Variants in EPHB3 observed in about 807,000 individuals in gnomAD.
EPHB3 encodes EPH receptor B3.
A neutral mutation model predicts 100.2 loss-of-function variants in EPHB3; 33 were observed. The ratio of observed to expected loss-of-function variants is 0.33; its 90% CI spans 0.25 to 0.44. The LOEUF (loss-of-function observed/expected upper bound fraction) is 0.44, where lower values mean the gene tolerates loss of function less well. EPHB3 is among the 20% of genes least tolerant of loss of function. The pLI, the probability that EPHB3 is intolerant of heterozygous loss-of-function variation, is 1.00. For synonymous variants in EPHB3, 526 were observed against 554.7 expected (o/e 0.95, Z 0.73); for missense variants, 1,045 against 1,378.3 (o/e 0.76, Z 3.83).
At position 184,581,308 on chromosome 3, in the gene EPHB3, G is replaced by A. The variant is rs1295829988; in HGVS notation, c.2788G>A (p.Val930Ile). ...TVPDYTTFTT[V>I]GDWLDAIKMG... ...CCCAGATTACACAACCTTCACGACA[G>A]TTGGTGATTGGCTGGATGCCATCAA... is the stretch of plus-strand genomic sequence containing the variant. Residue 930 changes from valine to isoleucine, a missense_variant, in exon 15 of 16, where the codon GTT becomes ATT. Val to Ile is a conservative substitution (Grantham distance 29, BLOSUM62 3). This residue lies in a region of EPHB3 where 985 missense variants were observed against 1,331.1 expected (regional missense o/e 0.74). Coordinates refer to ENST00000330394, the MANE Select transcript of EPHB3 (RefSeq NM_004443.4). 2.5e-6 allele frequency: 4 copies of A among 1,609,290 alleles called. No homozygotes were observed. In the African/African-American group the frequency reaches 5.3e-5, roughly 21 times the overall value.
Position 184,581,418 on chromosome 3 carries a change from C to T in EPHB3, c.2888+10C>T. The T allele has an allele frequency of 1.3e-6, 2 of 1,582,816 alleles. No homozygotes were observed. The highest frequency in any genetic ancestry group is 2.2e-5 in the East Asian group (1 of 44,608). Reference sequence around the variant, plus strand: ...CCCAGATGACGGCAGAGTAAGTGTGCCTCAGATTTGGAGGAGCAGGGCAGG... The same window carrying T: ...CCCAGATGACGGCAGAGTAAGTGTGTCTCAGATTTGGAGGAGCAGGGCAGG... On this transcript the variant is annotated intron_variant, in intron 15 of 15. Coordinates refer to ENST00000330394, the MANE Select transcript of EPHB3 (RefSeq NM_004443.4).
chr3:184,570,562 G>A (rs772117122), intron 1 of EPHB3, among the ~76,000 whole-genome samples: 87 of 152,252 alleles, frequency 5.7e-4, no homozygotes, highest in Non-Finnish European at 1.0e-3. Flanking sequence ...TGTAGGTGCT[G>A]CGTGGGAGCT....
Position 184,581,777 on chromosome 3 carries a change from G to A in EPHB3, c.*155G>A, listed in dbSNP as rs1714830162. The A allele has an allele frequency of 2.8e-6, 2 of 718,592 alleles. No homozygotes were observed. Among genetic ancestry groups the A allele is most frequent in the Non-Finnish European group, 4.5e-6 (2 of 448,296 alleles). 44.5% of individuals were successfully genotyped at this position (718,592 alleles called of 1,614,324 possible). A position where few individuals can be genotyped will look rare whatever the true frequency, so the allele number is the denominator to read the frequency against. On this transcript the variant is annotated 3_prime_UTR_variant, in exon 16 of 16. Coordinates refer to ENST00000330394, the MANE Select transcript of EPHB3 (RefSeq NM_004443.4). Reference sequence around the variant, plus strand: ...CAAGCTGGGACTTCTCCAGGCCTGTGTTCCCTCCCCAGGAAGTGCGCCCCA... The same window carrying A: ...CAAGCTGGGACTTCTCCAGGCCTGTATTCCCTCCCCAGGAAGTGCGCCCCA...
In EPHB3 at chr3:184,575,945, C is replaced by T; in HGVS notation, c.972C>T (p.Phe324=). ...AASICTCHNN[F]YRADSDSADS... ...GCATCTGCACCTGCCACAATAACTT[C>T]TACCGTGCAGACTCGGACTCTGCGG... The change falls in exon 4 of 16, where the codon TTC becomes TTT. Residue 324 remains phenylalanine (F), a synonymous_variant. Transcript: ENST00000330394. 6.2e-7 allele frequency: 1 copy of T among 1,613,934 alleles called. No individual in the cohort carries two copies. Among genetic ancestry groups the T allele is most frequent in the Non-Finnish European group, 8.5e-7 (1 of 1,179,898 alleles).
In EPHB3 at chr3:184,576,560, G is replaced by A. The variant is rs560735975; in HGVS notation, c.1013-282G>A. 3.3e-5 allele frequency among the ~76,000 whole-genome samples: 5 copies of A among 152,346 alleles called. No individual in the cohort carries two copies. In the East Asian group the frequency reaches 9.6e-4, roughly 29 times the overall value. ...ACAGATAATGACCGTAATGTACTAA[G>A]AGCTGGGCTAGAAGGCTGTCTAGGA... On this transcript the variant is annotated intron_variant, in intron 4 of 15. Coordinates refer to ENST00000330394, the MANE Select transcript of EPHB3 (RefSeq NM_004443.4).
At position 184,578,417 on chromosome 3, in the gene EPHB3, G is replaced by A; in HGVS notation, c.1752G>A (p.Lys584=). The change falls in exon 9 of 16, where the codon AAG becomes AAA. Residue 584 remains lysine, a synonymous_variant. Transcript: ENST00000330394. This position sits in a 1 kb window ranked among gnomAD's most constrained non-coding sequence, Gnocchi z 4.7. ...CCTCCACCCTGCCACCCTACAGGAA[G>A]CAGCGACACGGCTCTGATTCGGAGT... The part of the protein sequence containing the change: ...VVVIAIVCLR[K]QRHGSDSEYT... 6.2e-7 allele frequency: 1 copy of A among 1,613,848 alleles called. No individual in the cohort carries two copies. Among genetic ancestry groups the A allele is most frequent in the South Asian group, 1.1e-5 (1 of 91,082 alleles).
chr3:184,564,175 T>C (rs1714325403), intron 1 of EPHB3, among the ~76,000 whole-genome samples: 1 of 152,182 alleles, frequency 6.6e-6, no homozygotes, highest in Admixed American at 6.5e-5. Context: ...GCAGGACCTT[T>C]CGTTCCCCAT....
chr3:184,579,957 T>G lies in EPHB3; in HGVS notation c.2172+23T>G. 1 of 1,604,856 alleles carries G rather than the reference T, an allele frequency of 6.2e-7. No homozygotes were observed. Among genetic ancestry groups the G allele is most frequent in the African/African-American group, 1.3e-5 (1 of 74,800 alleles). ...CGGGTAAGAGCCAGCCCCCAGGCCCTCTCCCTCCCCCAGAGAGTTGGATTG... is the reference window on the plus strand; with the variant it reads ...CGGGTAAGAGCCAGCCCCCAGGCCCGCTCCCTCCCCCAGAGAGTTGGATTG... On this transcript the variant is annotated intron_variant, in intron 11 of 15. Transcript: ENST00000330394. This position sits in a 1 kb window ranked among gnomAD's most constrained non-coding sequence, Gnocchi z 5.2.
Position 184,562,266 on chromosome 3 carries a change from TCGC to T in EPHB3, c.40_42del (p.Pro14del), listed in dbSNP as rs995925709. The T allele has an allele frequency of 9.5e-6, 11 of 1,160,084 alleles. 2 individuals carry two copies. The highest frequency in any genetic ancestry group is 6.5e-5 in the African/African-American group (4 of 61,268). The allele number at this position is 1,160,084 out of a possible 1,614,324, so 71.9% of individuals were successfully genotyped here. A position where few individuals can be genotyped will look rare whatever the true frequency, so the allele number is the denominator to read the frequency against. ...CAGAGCCCGCCCGCCGCCGCCGCCG[TCGC>T]CGCCGCCGGGGCTTCTGCCGCTGCT... is the stretch of plus-strand genomic sequence containing the variant. On this transcript the variant is annotated inframe_deletion, in exon 1 of 16. Transcript: ENST00000330394. This position sits in a 1 kb window ranked among gnomAD's most constrained non-coding sequence, Gnocchi z 4.8.
intron 3 of EPHB3, 25 bp from the exon 4 acceptor site, chr3:184,575,805 C>T (rs1209915083): frequency 1.3e-6 from 2 of 1,568,260 alleles, no homozygotes; most frequent in Admixed American, 1.8e-5. Flanking sequence ...GAGGTGAGCC[C>T]CATTCATCCT....
At position 184,577,361 on chromosome 3, in the gene EPHB3, C is replaced by T. The variant is rs1714702397; in HGVS notation, c.1373C>T (p.Thr458Ile). The part of the protein sequence containing the change: ...TNQAAPSEVP[T>I]LRLHSSSGSS... ...TTCCCAGCCCCGTCTGAAGTGCCCACACTACGCCTGCACAGCAGCTCAGGC... is the reference window on the plus strand; with the variant it reads ...TTCCCAGCCCCGTCTGAAGTGCCCATACTACGCCTGCACAGCAGCTCAGGC... The change falls in exon 6 of 16, where the codon ACA (threonine) becomes ATA (isoleucine). Residue 458 changes from threonine (T) to isoleucine (I), a missense_variant. This residue lies in a region of EPHB3 where 985 missense variants were observed against 1,331.1 expected (regional missense o/e 0.74). Coordinates refer to ENST00000330394, the MANE Select transcript of EPHB3 (RefSeq NM_004443.4). The surrounding 1 kb of genome is among the most constrained non-coding windows in gnomAD (Gnocchi z 4.9). The T allele has an allele frequency of 6.2e-7, 1 of 1,613,618 alleles. No homozygotes were observed. The highest frequency in any genetic ancestry group is 1.7e-5 in the Admixed American group (1 of 59,998).
chr3:184,572,987 C>T lies in EPHB3; in HGVS notation c.667C>T (p.Pro223Ser), dbSNP rs757427786. ...CACCACCGCAGGCTTCGCACTCTTC[C>T]CCGAGACCCTCACTGGGGCGGAGCC... Reference protein sequence around the residue: ...ASTTAGFALFPETLTGAEPTS... With the variant: ...ASTTAGFALFSETLTGAEPTS... The change falls in exon 3 of 16, where the codon CCC becomes TCC. Residue 223 changes from proline (P) to serine (S), a missense_variant. This residue lies in a region of EPHB3 where 985 missense variants were observed against 1,331.1 expected (regional missense o/e 0.74). Transcript: ENST00000330394. The surrounding 1 kb of genome is among the most constrained non-coding windows in gnomAD (Gnocchi z 6.6). 2.5e-6 allele frequency: 4 copies of T among 1,608,058 alleles called. No homozygotes were observed. Among genetic ancestry groups the T allele is most frequent in the South Asian group, 2.2e-5 (2 of 90,328 alleles).
rs1216294482 is a variant in EPHB3 at position 184,571,841 on chromosome 3, T to C, written c.183+459T>C. On this transcript the variant is annotated intron_variant, in intron 2 of 15. Coordinates refer to ENST00000330394, the MANE Select transcript of EPHB3 (RefSeq NM_004443.4). This position sits in a 1 kb window ranked among gnomAD's most constrained non-coding sequence, Gnocchi z 5.0. ...GACCTCTCTCACATATTCTAATTAATCTCCCTAGATGGCCTTCATGGCTGC... is the reference window on the plus strand; with the variant it reads ...GACCTCTCTCACATATTCTAATTAACCTCCCTAGATGGCCTTCATGGCTGC... Among the ~76,000 whole-genome samples, 1 of 152,076 alleles carries C rather than the reference T, an allele frequency of 6.6e-6. No homozygotes were observed. The highest frequency in any genetic ancestry group is 1.5e-5 in the Non-Finnish European group (1 of 68,018).
In EPHB3 at chr3:184,571,475, G is replaced by C; in HGVS notation, c.183+93G>C. The C allele has an allele frequency of 7.3e-7, 1 of 1,373,700 alleles. No homozygotes were observed. Among genetic ancestry groups the C allele is most frequent in the Non-Finnish European group, 1.0e-6 (1 of 973,320 alleles). The allele number at this position is 1,373,700 out of a possible 1,614,324, so 85.1% of individuals were successfully genotyped here. On this transcript the variant is annotated intron_variant, in intron 2 of 15. Transcript: ENST00000330394. The surrounding 1 kb of genome is among the most constrained non-coding windows in gnomAD (Gnocchi z 5.0). ...TGCCCCCTCATCTCACCAGGGCCTG[G>C]AGGAGGGCTGCCTCTGCCCTCTGCC...
At position 184,572,945 on chromosome 3, in the gene EPHB3, T is replaced by C; in HGVS notation, c.625T>C (p.Tyr209His). ...CMSLISVRAF[Y>H]KKCASTTAGF... ...GTCGCTCATCTCCGTGCGCGCCTTC[T>C]ACAAGAAGTGTGCATCCACCACCGC... The change falls in exon 3 of 16, where the codon TAC (tyrosine) becomes CAC (histidine). Residue 209 changes from tyrosine to histidine, a missense_variant. Tyr to His is a moderately conservative substitution (Grantham distance 83). Coordinates refer to ENST00000330394, the MANE Select transcript of EPHB3 (RefSeq NM_004443.4). This position sits in a 1 kb window ranked among gnomAD's most constrained non-coding sequence, Gnocchi z 6.6. The C allele has an allele frequency of 6.3e-7, 1 of 1,580,878 alleles. No homozygotes were observed. The highest frequency in any genetic ancestry group is 8.6e-7 in the Non-Finnish European group (1 of 1,161,906).
rs1200256697 is a variant in EPHB3, at chr3:184,563,522, G to A, written c.118+1169G>A. Among the ~76,000 whole-genome samples, 1 of 152,214 alleles carries A rather than the reference G, an allele frequency of 6.6e-6. No individual in the cohort carries two copies. Among genetic ancestry groups the A allele is most frequent in the Non-Finnish European group, 1.5e-5 (1 of 68,042 alleles). On this transcript the variant is annotated intron_variant, in intron 1 of 15. Transcript: ENST00000330394. The surrounding 1 kb of genome is among the most constrained non-coding windows in gnomAD (Gnocchi z 4.1). ...AGGAAAAAAGAACACAGTTCAGAGA[G>A]AAAGGCATCCTCTGGTGCGTTCTAA...
At chr3:184,575,145 T>C (rs1238623961) in intron 3 of EPHB3, 1 of 985,338 alleles carries the variant, frequency 1.0e-6, no homozygotes, top group Non-Finnish European at 1.2e-6. Flanking sequence ...CAAGGGTAGA[T>C]GGCAGGAGGG....
rs1310888773 is a variant in EPHB3, at chr3:184,563,546, A to C, written c.118+1193A>C. 6.6e-6 allele frequency among the ~76,000 whole-genome samples: 1 copy of C among 152,198 alleles called. No individual in the cohort carries two copies. The highest frequency in any genetic ancestry group is 1.5e-5 in the Non-Finnish European group (1 of 68,028). On this transcript the variant is annotated intron_variant, in intron 1 of 15. Coordinates refer to ENST00000330394, the MANE Select transcript of EPHB3 (RefSeq NM_004443.4). The surrounding 1 kb of genome is among the most constrained non-coding windows in gnomAD (Gnocchi z 4.1). The stretch of plus-strand genomic sequence containing the variant: ...AGAAAGGCATCCTCTGGTGCGTTCT[A>C]ATGTTCTCCAGAGGAAAGACCTCCT...
Position 184,578,496 on chromosome 3 carries a change from C to G in EPHB3, c.1801+30C>G. 1 of 1,612,844 alleles carries G rather than the reference C, an allele frequency of 6.2e-7. No individual in the cohort carries two copies. The highest frequency in any genetic ancestry group is 8.5e-7 in the Non-Finnish European group (1 of 1,179,536). On this transcript the variant is annotated intron_variant, in intron 9 of 15. Transcript: ENST00000330394. This position sits in a 1 kb window ranked among gnomAD's most constrained non-coding sequence, Gnocchi z 4.7. ...GTTTGTCCCCGCCGCCCTCCCCAAG[C>G]TCTCCCAGCCCCCTGCAGGGCTCTC...
Sources: allele counts gnomAD v4.1 joint callset (sites outside exome capture counted in the v4.1 genomes callset), GRCh38; gene constraint gnomAD v4.1.1; regional missense constraint gnomAD v4.1.1; non-coding constraint Gnocchi (gnomAD v3.1); transcripts MANE v1.5; gene names NCBI Gene and HGNC (gene_info 2026-07-23, HGNC 2026-07-21).